Variants in ANKRD36C observed in about 807,000 individuals in gnomAD.
ANKRD36C encodes the protein ankyrin repeat domain-containing protein 36C.
ANKRD36C carries 61 observed loss-of-function variants against 276.4 expected under a neutral mutation model. The observed-to-expected ratio is 0.22, with a 90% CI of 0.18 to 0.27. ANKRD36C has a LOEUF of 0.27. Among genes scored for constraint, ANKRD36C ranks in the 10% least tolerant of loss-of-function variants. ANKRD36C has a pLI of 1.00. For synonymous variants in ANKRD36C, 483 were observed against 680.1 expected (o/e 0.71, Z 4.51); for missense variants, 1,447 against 2,032.3 (o/e 0.71, Z 5.54).
chr2:95,925,456 CATAATAT>C (rs1303842241), intron 29 of ANKRD36C, 32 bp from the exon 30 acceptor site: 1 of 1,547,340 alleles, frequency 6.5e-7, no homozygotes, highest in African/African-American at 1.4e-5. Flanking sequence ...ATAGTCAATA[CATAATAT>C]ATATTTCATA....
At chr2:95,866,628 A>G (rs1675687864) in intron 60 of ANKRD36C, among the ~76,000 whole-genome samples, 1 of 152,150 alleles carries the variant, frequency 6.6e-6, no homozygotes, top group East Asian at 1.9e-4. Context: ...AAATAAATGC[A>G]GCAGTAGTGT....
At chr2:95,984,055 T>C (rs1678976811) in intron 3 of ANKRD36C, among the ~76,000 whole-genome samples, 1 of 152,248 alleles carries the variant, frequency 6.6e-6, no homozygotes. Context: ...ATTTATGGTA[T>C]GTATAAAGAT....
chr2:95,910,453 G>T lies in ANKRD36C; in HGVS notation c.2653+1791C>A. On this transcript the variant is annotated intron_variant, in intron 42 of 66. Coordinates refer to ENST00000456556, the Ensembl canonical transcript of ANKRD36C. Reference sequence around the variant, plus strand: ...TTCCTCGTCACTTGTAGCCTGAATAGAATTTGAAACGAAATAATAAATAAA... The same window carrying T: ...TTCCTCGTCACTTGTAGCCTGAATATAATTTGAAACGAAATAATAAATAAA... 1 of 1,575,866 alleles carries T rather than the reference G, an allele frequency of 6.3e-7. No homozygotes were observed. The highest frequency in any genetic ancestry group is 8.6e-7 in the Non-Finnish European group (1 of 1,161,128).
At chr2:95,946,083 A>C (rs1354131830) in intron 17 of ANKRD36C, among the ~76,000 whole-genome samples, 2 of 151,414 alleles carry the variant, frequency 1.3e-5, no homozygotes, top group Non-Finnish European at 1.5e-5. Flanking sequence ...ACACATCCCA[A>C]GAATTAACCA....
chr2:95,909,446 A>T (rs925670083), intron 42 of ANKRD36C, among the ~76,000 whole-genome samples: 5 of 81,202 alleles, frequency 6.2e-5, no homozygotes, highest in African/African-American at 2.0e-4. Context: ...TACAAGCATT[A>T]GATATTGATC....
chr2:95,962,154 A>G (rs1204413822), intron 8 of ANKRD36C, among the ~76,000 whole-genome samples, 198 bp downstream of exon 8: 2 of 152,034 alleles, frequency 1.3e-5, no homozygotes, highest in Non-Finnish European at 2.9e-5. Context: ...ACTGTGGGGA[A>G]GAACATAATC....
intron 60 of ANKRD36C, among the ~76,000 whole-genome samples, chr2:95,862,834 C>G (rs1298985355): frequency 6.6e-6 from 1 of 151,902 alleles, no homozygotes; most frequent in South Asian, 2.1e-4. Context: ...ACAACAGACC[C>G]CAGATCTCCT....
At chr2:95,872,561 G>A (rs1380939404) in intron 59 of ANKRD36C, among the ~76,000 whole-genome samples, 15 of 152,188 alleles carry the variant, frequency 9.9e-5, no homozygotes, top group Non-Finnish European at 1.5e-4. Flanking sequence ...ACAAGAGAAA[G>A]CAAGAAAGAT....
chr2:95,938,513 A>C (rs1279532427), intron 22 of ANKRD36C, among the ~76,000 whole-genome samples: 2 of 152,116 alleles, frequency 1.3e-5, no homozygotes, highest in Non-Finnish European at 2.9e-5. Flanking sequence ...TATTGCAATC[A>C]ATTTTGAAGC....
chr2:95,942,360 T>C (rs556155873), intron 19 of ANKRD36C, among the ~76,000 whole-genome samples: 87 of 152,334 alleles, frequency 5.7e-4, no homozygotes, highest in African/African-American at 2.0e-3. Flanking sequence ...TATGCAGATA[T>C]TTATTTCTGG....
At chr2:95,936,698 C>T (rs1316517510) in intron 22 of ANKRD36C, among the ~76,000 whole-genome samples, 13 of 151,394 alleles carry the variant, frequency 8.6e-5, no homozygotes, top group Non-Finnish European at 1.2e-4. Context: ...CACTTGTACT[C>T]TTTTTTGTTG....
intron 62 of ANKRD36C, among the ~76,000 whole-genome samples, chr2:95,857,032 GA>G (rs1423988910): frequency 3.3e-5 from 5 of 152,118 alleles, no homozygotes; most frequent in Admixed American, 6.5e-5. Context: ...TGAAATAGGG[GA>G]AAATATGCTG....
intron 14 of ANKRD36C, among the ~76,000 whole-genome samples, chr2:95,952,605 C>A (rs1201150959): frequency 1.2e-3 from 155 of 126,274 alleles, no homozygotes; most frequent in African/African-American, 3.7e-3. Flanking sequence ...CTGTATCCAC[C>A]TCTCCTATTT....
At chr2:95,888,540 G>A (rs979257786) in intron 48 of ANKRD36C, among the ~76,000 whole-genome samples, 3 of 151,662 alleles carry the variant, frequency 2.0e-5, no homozygotes, top group Non-Finnish European at 4.4e-5. Context: ...AACATTCATT[G>A]TGCTCTTTAA....
intron 6 of ANKRD36C, among the ~76,000 whole-genome samples, chr2:95,970,268 A>G (rs1186516748): frequency 1.3e-5 from 2 of 152,196 alleles, no homozygotes; most frequent in African/African-American, 4.8e-5. Flanking sequence ...AGATTCTGGT[A>G]GTTTGCTTAG....
At chr2:95,874,489 A>C (rs1343726719) in intron 59 of ANKRD36C, among the ~76,000 whole-genome samples, 8 of 152,252 alleles carry the variant, frequency 5.3e-5, no homozygotes, top group African/African-American at 1.7e-4. Flanking sequence ...TAGAAAGCTG[A>C]AACTGGATCC....
intron 58 of ANKRD36C, among the ~76,000 whole-genome samples, chr2:95,879,216 T>C (rs1353129849): frequency 6.6e-6 from 1 of 152,158 alleles, no homozygotes; most frequent in Non-Finnish European, 1.5e-5. Context: ...AGGCTTCACA[T>C]GTTGTCAGTC....
At chr2:95,934,598 C>A (rs1249743466) in intron 24 of ANKRD36C, among the ~76,000 whole-genome samples, 1 of 152,256 alleles carries the variant, frequency 6.6e-6, no homozygotes, top group Non-Finnish European at 1.5e-5. Flanking sequence ...ACACCAGGGC[C>A]TGTCAGGGAG....
chr2:95,922,293 C>T (rs1402571339), intron 32 of ANKRD36C, among the ~76,000 whole-genome samples: 1 of 151,636 alleles, frequency 6.6e-6, no homozygotes, highest in Non-Finnish European at 1.5e-5. Flanking sequence ...GTTGAATGTA[C>T]ACCTCATGTC....
Sources: gnomAD v4.1 joint callset for allele counts (sites outside exome capture counted in the v4.1 genomes callset) on GRCh38, gnomAD v4.1.1 for gene constraint, MANE v1.5 for transcripts, NCBI Gene and HGNC (gene_info 2026-07-23, HGNC 2026-07-21) for gene names.